The following UBE2D3 variants were observed in gnomAD, a reference collection of about 807,000 sequenced individuals.
UBE2D3 encodes the protein ubiquitin-conjugating enzyme E2 D3.
Under a neutral mutation model 22.8 loss-of-function variants are expected in UBE2D3, and 2 were observed. That is an observed-to-expected ratio of 0.09 (90% confidence interval 0.04 to 0.28). The LOEUF (loss-of-function observed/expected upper bound fraction) is 0.28, where lower values mean the gene tolerates loss of function less well. Ranked by LOEUF, UBE2D3 falls within the 10% of genes least tolerant of loss-of-function variation. The pLI, the probability that UBE2D3 is intolerant of heterozygous loss-of-function variation, is 1.00. For synonymous variants in UBE2D3, 56 were observed against 60.4 expected, an observed-to-expected ratio of 0.93 and a Z score of 0.34; for missense variants, 27 against 182.5, an observed-to-expected ratio of 0.15 and a Z score of 4.91.
intron 1 of UBE2D3, among the ~76,000 whole-genome samples, chr4:102,861,665 A>C (rs1732904626): frequency 6.6e-6 from 1 of 151,976 alleles, no homozygotes; most frequent in Non-Finnish European, 1.5e-5. Flanking sequence ...GATTACAGTA[A>C]CCATGGAATT....
intron 1 of UBE2D3, chr4:102,827,061 A>G: frequency 6.1e-6 from 6 of 990,134 alleles, no homozygotes; most frequent in Non-Finnish European, 7.2e-6. Context: ...CGGCCGGGAA[A>G]AGGAAGGAAA....
chr4:102,828,094 C>T, upstream of UBE2D3: 1 of 985,460 alleles, frequency 1.0e-6, no homozygotes, highest in Non-Finnish European at 1.2e-6. Flanking sequence ...AGTAAGGCAC[C>T]GGCTCGAACT....
intron 1 of UBE2D3, among the ~76,000 whole-genome samples, chr4:102,837,677 C>T (rs538764344): frequency 7.9e-5 from 12 of 152,086 alleles, no homozygotes; most frequent in East Asian, 7.7e-4. Flanking sequence ...TTCGGCTGGG[C>T]GCAGTGGCTC....
intron 2 of UBE2D3, among the ~76,000 whole-genome samples, chr4:102,816,604 C>A (rs1728809950): frequency 6.6e-6 from 1 of 152,148 alleles, no homozygotes; most frequent in African/African-American, 2.4e-5. Flanking sequence ...GAGACCAAAT[C>A]TGAATACCAA....
At chr4:102,816,722 C>A (rs1406420866) in intron 2 of UBE2D3, among the ~76,000 whole-genome samples, 1 of 152,086 alleles carries the variant, frequency 6.6e-6, no homozygotes, top group African/African-American at 2.4e-5. Flanking sequence ...TTAGGAGTAA[C>A]AAGGTTAACT....
chr4:102,863,461 C>T (rs2110382286), intron 1 of UBE2D3, among the ~76,000 whole-genome samples: 1 of 152,226 alleles, frequency 6.6e-6, no homozygotes, highest in South Asian at 2.1e-4. Flanking sequence ...GACCCAAACA[C>T]CTCCCACTAG....
chr4:102,822,014 T>G (rs961407583), intron 2 of UBE2D3, among the ~76,000 whole-genome samples: 4 of 152,256 alleles, frequency 2.6e-5, no homozygotes, highest in African/African-American at 9.6e-5. Context: ...AGATAGATTA[T>G]AGCAACATGC....
intron 1 of UBE2D3, among the ~76,000 whole-genome samples, chr4:102,852,458 G>A (rs554750949): frequency 7.9e-5 from 12 of 152,246 alleles, no homozygotes; most frequent in Non-Finnish European, 1.3e-4. Flanking sequence ...ATATCCATAT[G>A]TGCACACACA....
At chr4:102,849,752 C>CCA in intron 1 of UBE2D3, among the ~76,000 whole-genome samples, 1 of 152,112 alleles carries the variant, frequency 6.6e-6, no homozygotes, top group South Asian at 2.1e-4. Context: ...ATCAGAATGA[C>CCA]CAAATTAAAA....
chr4:102,803,719 AATTT>A, intron 4 of UBE2D3, among the ~76,000 whole-genome samples: 1 of 152,228 alleles, frequency 6.6e-6, no homozygotes, highest in Non-Finnish European at 1.5e-5. Context: ...AAGAAAGGTC[AATTT>A]ATTAATGAAG....
rs994730804 is a variant in UBE2D3 at position 102,795,161 on chromosome 4, G to A, written c.*2254C>T. 6.6e-6 allele frequency: 1 copy of A among 151,996 alleles called. No homozygotes were observed. The highest frequency in any genetic ancestry group is 1.5e-5 in the Non-Finnish European group (1 of 67,930). The allele number at this position is 151,996 out of a possible 1,614,324, so 9.4% of individuals were successfully genotyped here. A position where few individuals can be genotyped will look rare whatever the true frequency, so the allele number is the denominator to read the frequency against. ...AGCAACAAATGAAATGATGTATAAA[G>A]CATCAAGTCAAAGATACAGAGAACT... On this transcript the variant is annotated 3_prime_UTR_variant, in exon 8 of 8. Coordinates refer to ENST00000453744, the MANE Select transcript of UBE2D3 (RefSeq NM_181891.3).
At chr4:102,817,871 G>C (rs190822024) in intron 2 of UBE2D3, among the ~76,000 whole-genome samples, 1 of 152,256 alleles carries the variant, frequency 6.6e-6, no homozygotes, top group East Asian at 1.9e-4. Context: ...ATTTTTAAAA[G>C]TAATTTTGTC....
At position 102,808,699 on chromosome 4, in the gene UBE2D3, G is replaced by A. The variant is rs545838569; in HGVS notation, c.120+973C>T. Among the ~76,000 whole-genome samples the A allele has an allele frequency of 3.0e-4, 45 of 152,232 alleles. No homozygotes were observed. In the South Asian group the frequency reaches 9.3e-3, roughly 32 times the overall value. ...ATCTGTCTCCTCTAATACAGTGTAA[G>A]TTCCCTATAAGATCGACAGGGATGT... On this transcript the variant is annotated intron_variant, in intron 4 of 7. Coordinates refer to ENST00000453744, the MANE Select transcript of UBE2D3 (RefSeq NM_181891.3).
intron 6 of UBE2D3, among the ~76,000 whole-genome samples, chr4:102,800,903 G>C (rs1014656713): frequency 6.6e-6 from 1 of 151,980 alleles, no homozygotes; most frequent in Non-Finnish European, 1.5e-5. Context: ...TACATATAAC[G>C]TAACAGATAC....
chr4:102,842,242 TAA>T (rs70937574), intron 1 of UBE2D3, among the ~76,000 whole-genome samples: 68 of 125,062 alleles, frequency 5.4e-4, no homozygotes, highest in Admixed American at 2.3e-3. Flanking sequence ...GTTTTGATAC[TAA>T]AAAAAAAAAA....
intron 1 of UBE2D3, among the ~76,000 whole-genome samples, chr4:102,867,552 C>T (rs1439193889): frequency 6.6e-6 from 1 of 152,198 alleles, no homozygotes; most frequent in Non-Finnish European, 1.5e-5. Context: ...ATTTTCTCCT[C>T]TTACCCTTCA....
chr4:102,797,524 G>A, intron 7 of UBE2D3, 64 bp from the exon 8 acceptor site: 4 of 1,336,912 alleles, frequency 3.0e-6, no homozygotes, highest in Non-Finnish European at 3.2e-6. Context: ...TAAATGGAAG[G>A]GAAAGATTTC....
exon 1 of UBE2D3, chr4:102,868,783 G>A (rs1733312326): frequency 6.2e-7 from 1 of 1,613,728 alleles, no homozygotes; most frequent in Admixed American, 1.7e-5. Context: ...TATCCTTTCT[G>A]CTGGTCTCCA....
intron 4 of UBE2D3, among the ~76,000 whole-genome samples, chr4:102,807,916 AGAGT>A (rs1215381237): frequency 1.3e-5 from 2 of 152,234 alleles, no homozygotes; most frequent in South Asian, 2.1e-4. Context: ...CTAGTTTTAA[AGAGT>A]TAGTTTATTC....
Sources: allele counts gnomAD v4.1 joint callset (sites outside exome capture counted in the v4.1 genomes callset), GRCh38; gene constraint gnomAD v4.1.1; transcripts MANE v1.5; gene names NCBI Gene and HGNC (gene_info 2026-07-23, HGNC 2026-07-21).